The following UBE2E2 variants were observed in gnomAD, a reference collection of about 807,000 sequenced individuals.
UBE2E2 encodes the protein ubiquitin-conjugating enzyme E2 E2.
UBE2E2 carries 6 observed loss-of-function variants against 24.7 expected under a neutral mutation model. The ratio of observed to expected loss-of-function variants is 0.24; its 90% CI spans 0.13 to 0.48. The LOEUF (loss-of-function observed/expected upper bound fraction) is 0.48, where lower values mean the gene tolerates loss of function less well. Ranked by LOEUF, UBE2E2 falls within the 20% of genes least tolerant of loss-of-function variation. UBE2E2 has a pLI of 0.99. For synonymous variants in UBE2E2, 104 were observed against 83.6 expected, an observed-to-expected ratio of 1.24 and a Z score of -1.33; for missense variants, 169 against 245.0, an observed-to-expected ratio of 0.69 and a Z score of 2.07.
intron 3 of UBE2E2, among the ~76,000 whole-genome samples, chr3:23,396,307 A>ATATATATATACGTATATATATACG (rs1697073474): frequency 8.2e-6 from 1 of 122,192 alleles, no homozygotes; most frequent in Admixed American, 7.8e-5. Context: ...TATTTTTTAT[A>ATATATATATACGTATATATATACG]TATATATATA....
chr3:23,428,928 TA>T (rs34525850), intron 3 of UBE2E2, among the ~76,000 whole-genome samples: 15,281 of 75,552 alleles, frequency 0.2, 701 homozygotes, highest in African/African-American at 0.26. Flanking sequence ...CTCTGTCTCT[TA>T]AAAAAAAAAA....
intron 3 of UBE2E2, among the ~76,000 whole-genome samples, chr3:23,282,240 T>G (rs189853309): frequency 1.3e-5 from 2 of 152,354 alleles, no homozygotes; most frequent in Non-Finnish European, 2.9e-5. Context: ...TTTGCTACAT[T>G]GCATTTATGA....
intron 3 of UBE2E2, among the ~76,000 whole-genome samples, chr3:23,449,097 C>A (rs1164734895): frequency 6.6e-6 from 1 of 152,100 alleles, no homozygotes; most frequent in Non-Finnish European, 1.5e-5. Context: ...AGAGTTTAAA[C>A]TGGAAAAATT....
intron 3 of UBE2E2, among the ~76,000 whole-genome samples, chr3:23,341,970 T>C (rs1165884023): frequency 6.6e-6 from 1 of 152,098 alleles, no homozygotes; most frequent in Non-Finnish European, 1.5e-5. Flanking sequence ...AAACTAATAA[T>C]TGATAGTAGG....
chr3:23,338,454 G>A (rs1203024252), intron 3 of UBE2E2, among the ~76,000 whole-genome samples: 1 of 152,162 alleles, frequency 6.6e-6, no homozygotes, highest in East Asian at 1.9e-4. Flanking sequence ...GTACATGTAT[G>A]CCTTATATAT....
At chr3:23,425,765 C>T (rs1230204583) in intron 3 of UBE2E2, among the ~76,000 whole-genome samples, 1 of 151,948 alleles carries the variant, frequency 6.6e-6, no homozygotes, top group Non-Finnish European at 1.5e-5. Flanking sequence ...GCTCTACCCT[C>T]CCCCGCTTTC....
At chr3:23,393,180 C>T (rs1377800690) in intron 3 of UBE2E2, among the ~76,000 whole-genome samples, 1 of 152,010 alleles carries the variant, frequency 6.6e-6, no homozygotes, top group African/African-American at 2.4e-5. Flanking sequence ...AGGTGGGAAA[C>T]AGATAGAAGT....
chr3:23,519,829 A>G (rs1407545209), intron 4 of UBE2E2, among the ~76,000 whole-genome samples: 9 of 147,166 alleles, frequency 6.1e-5, no homozygotes, highest in African/African-American at 2.3e-4. Flanking sequence ...GACACATGCC[A>G]CCATGCCCAG....
At chr3:23,501,323 G>T (rs975200776) in intron 4 of UBE2E2, among the ~76,000 whole-genome samples, 2 of 151,676 alleles carry the variant, frequency 1.3e-5, no homozygotes, top group East Asian at 1.9e-4. Flanking sequence ...AATAAGCTGG[G>T]GGGAGAGAGT....
At chr3:23,353,791 C>T (rs924015893) in intron 3 of UBE2E2, among the ~76,000 whole-genome samples, 25 of 149,922 alleles carry the variant, frequency 1.7e-4, no homozygotes, top group South Asian at 6.5e-4. Context: ...GAATCAATAT[C>T]GTGAAAATGG....
intron 1 of UBE2E2, among the ~76,000 whole-genome samples, chr3:23,207,823 A>G (rs1160310478): frequency 1.3e-5 from 2 of 152,212 alleles, no homozygotes; most frequent in African/African-American, 2.4e-5. Flanking sequence ...TAACAGCATT[A>G]TTGATATATA....
intron 3 of UBE2E2, among the ~76,000 whole-genome samples, chr3:23,242,967 T>C (rs1021812490): frequency 6.6e-6 from 1 of 151,924 alleles, no homozygotes; most frequent in African/African-American, 2.4e-5. Context: ...ATGCCTGTGA[T>C]CCCAGCTACT....
At chr3:23,391,908 A>G (rs902810866) in intron 3 of UBE2E2, among the ~76,000 whole-genome samples, 3 of 152,190 alleles carry the variant, frequency 2.0e-5, no homozygotes, top group African/African-American at 4.8e-5. Context: ...CCATTGTTCT[A>G]TTATGTACCC....
At chr3:23,539,635 A>C (rs544709484) in intron 5 of UBE2E2, among the ~76,000 whole-genome samples, 1 of 152,318 alleles carries the variant, frequency 6.6e-6, no homozygotes, top group South Asian at 2.1e-4. Context: ...CAGCATTTTT[A>C]AAGTAGGAAG....
chr3:23,304,691 A>G (rs1699193797), intron 3 of UBE2E2, among the ~76,000 whole-genome samples: 2 of 152,208 alleles, frequency 1.3e-5, no homozygotes, highest in African/African-American at 2.4e-5. Context: ...TTCTTCAATA[A>G]TACACCAAAA....
At chr3:23,477,572 A>G (rs1699166098) in intron 3 of UBE2E2, among the ~76,000 whole-genome samples, 1 of 152,258 alleles carries the variant, frequency 6.6e-6, no homozygotes, top group African/African-American at 2.4e-5. Flanking sequence ...CAGTGCCAAC[A>G]TATAGAGGGA....
At chr3:23,319,236 GTTTA>G (rs929419732) in intron 3 of UBE2E2, among the ~76,000 whole-genome samples, 1 of 152,070 alleles carries the variant, frequency 6.6e-6, no homozygotes, top group Non-Finnish European at 1.5e-5. Context: ...AAGGAATTGT[GTTTA>G]TTTATTTATT....
chr3:23,498,418 G>A (rs1278786971), intron 3 of UBE2E2, among the ~76,000 whole-genome samples: 1 of 152,114 alleles, frequency 6.6e-6, no homozygotes. Context: ...ATTTCTTTGA[G>A]CTTCCGAAAA....
chr3:23,267,117 T>C (rs1172305681), intron 3 of UBE2E2, among the ~76,000 whole-genome samples: 3 of 151,530 alleles, frequency 2.0e-5, no homozygotes, highest in Non-Finnish European at 4.4e-5. Context: ...GATCCAAAAT[T>C]GACACCCTAA....
Sources: allele counts gnomAD v4.1 joint callset (sites outside exome capture counted in the v4.1 genomes callset), GRCh38; gene constraint gnomAD v4.1.1; transcripts MANE v1.5; gene names NCBI Gene and HGNC (gene_info 2026-07-23, HGNC 2026-07-21).